NTRK2: variants seen among roughly 807,000 people sequenced by gnomAD.
NTRK2 encodes the protein BDNF/NT-3 growth factors receptor.
NTRK2 carries 13 observed loss-of-function variants against 94.5 expected under a neutral mutation model. The observed-to-expected ratio is 0.14, with a 90% CI of 0.09 to 0.22. The LOEUF (loss-of-function observed/expected upper bound fraction) is 0.22, where lower values mean the gene tolerates loss of function less well. Among genes scored for constraint, NTRK2 ranks in the 10% least tolerant of loss-of-function variants. The pLI is 1.00. For synonymous variants in NTRK2, 372 were observed against 407.4 expected (o/e 0.91, Z 1.05); for missense variants, 639 against 1,071.2 (o/e 0.60, Z 5.63).
chr9:84,952,561 C>T (rs1454051802), intron 16 of NTRK2, among the ~76,000 whole-genome samples: 4 of 152,174 alleles, frequency 2.6e-5, no homozygotes, highest in African/African-American at 9.7e-5. Context: ...GCAGCGTTAA[C>T]CGTTATTTCT....
intron 7 of NTRK2, 48 bp downstream of exon 7, chr9:84,723,757 C>T: frequency 6.2e-7 from 1 of 1,611,308 alleles, no homozygotes; most frequent in African/African-American, 1.3e-5. Flanking sequence ...AAGAGTGTTT[C>T]AGAATGCGAG....
chr9:84,797,545 ATATATATTATATATAC>A (rs1725346973), intron 12 of NTRK2, among the ~76,000 whole-genome samples: 1 of 65,150 alleles, frequency 1.5e-5, no homozygotes, highest in Non-Finnish European at 2.8e-5. Flanking sequence ...TATATATAAT[ATATATATTATATATAC>A]TATATATTAT....
chr9:84,719,286 A>T (rs1348226686), intron 6 of NTRK2, among the ~76,000 whole-genome samples: 1 of 152,198 alleles, frequency 6.6e-6, no homozygotes, highest in Non-Finnish European at 1.5e-5. Context: ...CAAAATACTT[A>T]TCTTCAAGAT....
At chr9:84,952,745 C>T (rs1282030904) in intron 16 of NTRK2, among the ~76,000 whole-genome samples, 1 of 152,066 alleles carries the variant, frequency 6.6e-6, no homozygotes, top group Non-Finnish European at 1.5e-5. Flanking sequence ...CAGGAGTCTC[C>T]CCCAACCCAC....
chr9:84,978,501 A>G (rs994520856), intron 17 of NTRK2, among the ~76,000 whole-genome samples: 1 of 152,228 alleles, frequency 6.6e-6, no homozygotes, highest in Non-Finnish European at 1.5e-5. Context: ...GGAAGCTAGC[A>G]GTGATTGGTT....
At chr9:84,769,626 T>C (rs1240945017) in intron 12 of NTRK2, among the ~76,000 whole-genome samples, 1 of 152,196 alleles carries the variant, frequency 6.6e-6, no homozygotes, top group Non-Finnish European at 1.5e-5. Context: ...CAAGGACTTA[T>C]TGCTGCCAGT....
chr9:84,821,772 G>A (rs767821000), intron 12 of NTRK2, among the ~76,000 whole-genome samples: 1 of 151,140 alleles, frequency 6.6e-6, no homozygotes, highest in African/African-American at 2.4e-5. Context: ...CAGCCTGAAG[G>A]TTTCCTTATA....
intron 14 of NTRK2, among the ~76,000 whole-genome samples, chr9:84,920,070 C>T (rs866040896): frequency 5.3e-5 from 8 of 152,180 alleles, no homozygotes; most frequent in South Asian, 2.1e-4. Flanking sequence ...CTCTAGGACG[C>T]TTTCCTCTGT....
chr9:84,744,907 C>A, intron 10 of NTRK2, 66 bp from the exon 11 acceptor site: 1 of 1,061,668 alleles, frequency 9.4e-7, no homozygotes, highest in South Asian at 1.3e-5. Flanking sequence ...TTACTGTGGC[C>A]CTGTGTTTGT....
At chr9:84,978,099 A>T (rs1479470343) in intron 17 of NTRK2, among the ~76,000 whole-genome samples, 1 of 152,190 alleles carries the variant, frequency 6.6e-6, no homozygotes, top group Non-Finnish European at 1.5e-5. Flanking sequence ...TGGACAATTA[A>T]TAACCCTACA....
intron 6 of NTRK2, among the ~76,000 whole-genome samples, chr9:84,716,974 G>C (rs748343760): frequency 6.6e-6 from 1 of 152,316 alleles, no homozygotes; most frequent in African/African-American, 2.4e-5. Context: ...CCTGGTTGTG[G>C]AATATAGCTG....
At chr9:84,955,672 A>G (rs1588038672) in intron 17 of NTRK2, 155 bp downstream of exon 17, 2 of 745,032 alleles carry the variant, frequency 2.7e-6, no homozygotes, top group East Asian at 2.7e-5. Context: ...TGGAAGTCCA[A>G]GCTCAAGGTG....
At chr9:84,810,647 G>C (rs1434499549) in intron 12 of NTRK2, 1 of 1,611,684 alleles carries the variant, frequency 6.2e-7, no homozygotes. Context: ...ATGTAAGCTG[G>C]ACTCCTGGGA....
rs1161702764 is a variant in NTRK2, at chr9:84,851,709, G to T, written c.1397-9331G>T. On this transcript the variant is annotated intron_variant, in intron 12 of 18. Coordinates refer to ENST00000277120, the MANE Select transcript of NTRK2 (RefSeq NM_006180.6). ...ACCATGGTTCCCAGATTGGTGGGAA[G>T]AATTCAGGTACCACTTAAAATGGAA... Among the ~76,000 whole-genome samples the T allele has an allele frequency of 2.6e-5, 4 of 152,218 alleles. No homozygotes were observed. In the East Asian group the frequency reaches 7.7e-4, roughly 29 times the overall value.
intron 2 of NTRK2, among the ~76,000 whole-genome samples, chr9:84,699,426 C>G (rs141435653): frequency 6.6e-6 from 1 of 152,156 alleles, no homozygotes; most frequent in African/African-American, 2.4e-5. Flanking sequence ...TTCTTGCCCC[C>G]ACAGTAGAAG....
chr9:84,731,367 C>T lies in NTRK2; in HGVS notation c.1159+3408C>T, dbSNP rs893140563. 3.9e-5 allele frequency among the ~76,000 whole-genome samples: 6 copies of T among 152,114 alleles called. No individual in the cohort carries two copies. The East Asian group carries it at 7.7e-4, about 20-fold the overall frequency. On this transcript the variant is annotated intron_variant, in intron 9 of 18. Transcript: ENST00000277120. The stretch of plus-strand genomic sequence containing the variant: ...CAGAGGATTGCTTGAGCCTGGGAGG[C>T]GGAGGTTGCAGTGAGCCATGATCGT...
chr9:84,771,979 G>C (rs1354755684), intron 12 of NTRK2, among the ~76,000 whole-genome samples: 2 of 152,190 alleles, frequency 1.3e-5, no homozygotes, highest in Non-Finnish European at 2.9e-5. Flanking sequence ...AGATAGAGTA[G>C]CAGAAGGAGC....
intron 2 of NTRK2, among the ~76,000 whole-genome samples, chr9:84,675,435 T>C (rs1490689729): frequency 1.3e-5 from 2 of 149,556 alleles, no homozygotes; most frequent in South Asian, 2.1e-4. Context: ...CAAACCATTA[T>C]TGAATACCAT....
intron 2 of NTRK2, among the ~76,000 whole-genome samples, chr9:84,678,739 C>T (rs2059212938): frequency 1.3e-5 from 2 of 151,740 alleles, no homozygotes; most frequent in Admixed American, 1.3e-4. Flanking sequence ...AAACAAGTGT[C>T]TTTCTCCAAA....
Sources: allele counts gnomAD v4.1 joint callset (sites outside exome capture counted in the v4.1 genomes callset), GRCh38; gene constraint gnomAD v4.1.1; transcripts MANE v1.5; gene names NCBI Gene and HGNC (gene_info 2026-07-23, HGNC 2026-07-21).